OTULIN: variants seen among roughly 807,000 people sequenced by gnomAD.
OTULIN encodes ubiquitin thioesterase otulin.
A neutral mutation model predicts 39.6 loss-of-function variants in OTULIN; 15 were observed. The observed-to-expected ratio is 0.38, with a 90% confidence interval of 0.25 to 0.58. The LOEUF (loss-of-function observed/expected upper bound fraction) is 0.58, where lower values mean the gene tolerates loss of function less well. Ranked by LOEUF, OTULIN falls within the 20% of genes least tolerant of loss-of-function variation. The pLI, the probability that OTULIN is intolerant of heterozygous loss-of-function variation, is 0.66. For synonymous variants in OTULIN, 156 were observed against 170.3 expected (o/e 0.92, Z 0.65); for missense variants, 319 against 445.9 (o/e 0.72, Z 2.56).
At chr5:14,713,670 G>A in the OTULIN span, 1 of 1,613,850 alleles carries the variant, frequency 6.2e-7, no homozygotes, top group Non-Finnish European at 8.5e-7. This position sits in a 1 kb window ranked among gnomAD's most constrained non-coding sequence, Gnocchi z 4.4. Context: ...CACTGTGACT[G>A]TTGGGAGGAG....
At chr5:14,682,712 T>TTTA (rs1366987315) in intron 4 of OTULIN, among the ~76,000 whole-genome samples, 1 of 152,126 alleles carries the variant, frequency 6.6e-6, no homozygotes, top group Non-Finnish European at 1.5e-5. Context: ...CTAGCTGCAT[T>TTTA]TTATTTTTAT....
At chr5:14,687,466 G>A in intron 4 of OTULIN, 55 bp from the exon 5 acceptor site, 1 of 1,579,572 alleles carries the variant, frequency 6.3e-7, no homozygotes, top group South Asian at 1.2e-5. Flanking sequence ...GGATTGTGTG[G>A]TGGATTTCTT....
At chr5:14,706,343 G>T in the OTULIN span, 1 of 152,282 alleles carries the variant, frequency 6.6e-6, no homozygotes, top group Admixed American at 6.5e-5. Context: ...TCACTAAAAT[G>T]AAATATTTTA....
chr5:14,711,243 G>T, the OTULIN span: 10 of 1,614,068 alleles, frequency 6.2e-6, no homozygotes, highest in Non-Finnish European at 7.6e-6. Context: ...CACCTCCTCT[G>T]TCGGAGGCAT....
At chr5:14,712,907 G>A in the OTULIN span, 889 of 1,612,892 alleles carry the variant, frequency 5.5e-4, 1 homozygote, top group African/African-American at 9.2e-3. Flanking sequence ...CAGCGATGGC[G>A]ACCATGGTGG....
In OTULIN at chr5:14,690,928, A is replaced by G. The variant is rs1433580621; in HGVS notation, c.864+620A>G. 6.6e-6 allele frequency among the ~76,000 whole-genome samples: 1 copy of G among 152,202 alleles called. No homozygotes were observed. Among genetic ancestry groups the G allele is most frequent in the African/African-American group, 2.4e-5 (1 of 41,448 alleles). On this transcript the variant is annotated intron_variant, in intron 6 of 6. Transcript: ENST00000284274. This position sits in a 1 kb window ranked among gnomAD's most constrained non-coding sequence, Gnocchi z 4.5. ...CTGGGAGGCTACAAATAAGTGAAGT[A>G]CTTGGAAGAGCCATTCGAAGGGTCT...
At chr5:14,704,115 A>G (rs1736869053), downstream of OTULIN, among the ~76,000 whole-genome samples, 1 of 152,060 alleles carries the variant, frequency 6.6e-6, no homozygotes, top group Admixed American at 6.5e-5. Context: ...GCAGATCACA[A>G]GGTCAGGAGA....
the OTULIN span, chr5:14,713,630 T>C: frequency 3.1e-6 from 5 of 1,614,066 alleles, no homozygotes; most frequent in African/African-American, 6.7e-5. This position sits in a 1 kb window ranked among gnomAD's most constrained non-coding sequence, Gnocchi z 4.4. Context: ...TTTTCTTCAG[T>C]GTCATCAGCC....
chr5:14,668,800 A>G (rs768761427), intron 1 of OTULIN, among the ~76,000 whole-genome samples: 9 of 152,364 alleles, frequency 5.9e-5, no homozygotes, highest in Non-Finnish European at 1.2e-4. Context: ...TACTTGAATC[A>G]AAAATTGAAA....
chr5:14,704,939 TGTTA>T, the OTULIN span: 1 of 152,246 alleles, frequency 6.6e-6, no homozygotes, highest in Non-Finnish European at 1.5e-5. Flanking sequence ...AACTTCCATC[TGTTA>T]GATACATAAA....
At chr5:14,683,623 G>A (rs1736312559) in intron 4 of OTULIN, among the ~76,000 whole-genome samples, 2 of 152,172 alleles carry the variant, frequency 1.3e-5, no homozygotes, top group Admixed American at 6.5e-5. Flanking sequence ...AGGAGGCTGC[G>A]CTGGCAACTG....
At chr5:14,703,266 A>AT (rs1736843048), downstream of OTULIN, among the ~76,000 whole-genome samples, 1 of 146,348 alleles carries the variant, frequency 6.8e-6, no homozygotes, top group African/African-American at 2.6e-5. Flanking sequence ...TGGGAGCAGA[A>AT]TTACAAATAT....
intron 1 of OTULIN, among the ~76,000 whole-genome samples, chr5:14,666,046 C>T (rs1353943056): frequency 6.6e-6 from 1 of 152,194 alleles, no homozygotes; most frequent in Non-Finnish European, 1.5e-5. Context: ...AATAGAGGGT[C>T]TCTTGCCCCC....
At chr5:14,716,211 C>T in the OTULIN span, among the ~76,000 whole-genome samples, 13,165 of 152,120 alleles carry the variant, frequency 0.087, 564 homozygotes, top group African/African-American at 0.11. Flanking sequence ...CTTTTAAAAA[C>T]AAGTTGTACG....
chr5:14,664,897 G>GGCGGCGGCCACGGCGCGGGAC lies in OTULIN; in HGVS notation c.74_94dup (p.Ala25_Asp31dup). The stretch of plus-strand genomic sequence containing the variant: ...GCTGCGCCGAGACGCCGGCGCGGGA[G>GGCGGCGGCCACGGCGCGGGAC]GCGGCGGCCACGGCGCGGGACGGCG... On this transcript the variant is annotated inframe_insertion, in exon 1 of 7. Transcript: ENST00000284274. 1.7e-6 allele frequency: 2 copies of GGCGGCGGCCACGGCGCGGGAC among 1,169,460 alleles called. No individual in the cohort carries two copies. The highest frequency in any genetic ancestry group is 2.1e-6 in the Non-Finnish European group (2 of 956,524). 72.4% of individuals were successfully genotyped at this position (1,169,460 alleles called of 1,614,324 possible).
In OTULIN at chr5:14,664,832, CG is replaced by C; in HGVS notation, c.12del (p.Thr5LeufsTer58). MSRGTMPQPEAWP... is the reference protein window; with the variant it reads MSXGTMPQPEAWP... ...TTCGGCCGCGAGCGACCGCATGAGTCGGGGGACTATGCCCCAGCCCGAAGCG... is the reference window on the plus strand; with the variant it reads ...TTCGGCCGCGAGCGACCGCATGAGTCGGGGACTATGCCCCAGCCCGAAGCG... On this transcript the variant is annotated frameshift_variant, in exon 1 of 7. Transcript: ENST00000284274. LOFTEE classifies it high-confidence loss of function. The C allele has an allele frequency of 8.2e-7, 1 of 1,218,524 alleles. No individual in the cohort carries two copies. Among genetic ancestry groups the C allele is most frequent in the Non-Finnish European group, 1.0e-6 (1 of 977,840 alleles). 75.5% of individuals were successfully genotyped at this position (1,218,524 alleles called of 1,614,324 possible).
chr5:14,675,066 T>C (rs142718744), intron 2 of OTULIN, among the ~76,000 whole-genome samples: 1 of 152,358 alleles, frequency 6.6e-6, no homozygotes, highest in East Asian at 1.9e-4. Context: ...TTTCTTGCTT[T>C]AATTTTAGCA....
chr5:14,709,684 TTC>T, the OTULIN span: 3 of 152,624 alleles, frequency 2.0e-5, no homozygotes, highest in African/African-American at 4.8e-5. Context: ...TGAAAAATAG[TTC>T]TGTCATTTAC....
intron 3 of OTULIN, among the ~76,000 whole-genome samples, chr5:14,680,483 A>G (rs562597798): frequency 2.6e-4 from 40 of 152,210 alleles, no homozygotes; most frequent in African/African-American, 9.6e-4. Context: ...GTCTTGAGTG[A>G]CTGTCAATGA....
Sources: gnomAD v4.1 joint callset for allele counts (sites outside exome capture counted in the v4.1 genomes callset) on GRCh38, gnomAD v4.1.1 for gene constraint, Gnocchi (gnomAD v3.1) non-coding constraint, MANE v1.5 for transcripts, NCBI Gene and HGNC (gene_info 2026-07-23, HGNC 2026-07-21) for gene names.